The following HUNK variants were observed in gnomAD, a reference collection of about 807,000 sequenced individuals.
HUNK encodes hormonally up-regulated neu tumor-associated kinase.
In HUNK, 21 loss-of-function variants were observed where a neutral mutation model predicts 61.0. The ratio of observed to expected loss-of-function variants is 0.34; its 90% CI spans 0.24 to 0.50. The LOEUF (loss-of-function observed/expected upper bound fraction) is 0.50. Ranked by LOEUF, HUNK falls within the 20% of genes least tolerant of loss-of-function variation. The probability of loss-of-function intolerance (pLI) is 0.98; values close to 1 mark genes in which losing one functional copy is unlikely to be tolerated. For synonymous variants in HUNK, 371 were observed against 386.1 expected (o/e 0.96, Z 0.46); for missense variants, 772 against 945.7 (o/e 0.82, Z 2.41).
intron 10 of HUNK, among the ~76,000 whole-genome samples, chr21:31,997,854 G>A (rs951267247): frequency 7.9e-5 from 12 of 152,170 alleles, no homozygotes; most frequent in Non-Finnish European, 2.9e-5. Context: ...TTTTATGGAT[G>A]TGCTGTTGAG....
chr21:31,932,824 C>T (rs952124109), intron 2 of HUNK, among the ~76,000 whole-genome samples: 3 of 151,870 alleles, frequency 2.0e-5, no homozygotes, highest in Non-Finnish European at 2.9e-5. Flanking sequence ...TCGGTGTTGC[C>T]TGTTGTTCCT....
chr21:31,891,219 A>G (rs2052385550), intron 1 of HUNK, among the ~76,000 whole-genome samples: 1 of 152,210 alleles, frequency 6.6e-6, no homozygotes, highest in East Asian at 1.9e-4. Flanking sequence ...TCTACTAAAA[A>G]TACAAAAATT....
intron 4 of HUNK, among the ~76,000 whole-genome samples, chr21:31,951,715 A>G (rs539323914): frequency 2.0e-5 from 3 of 152,366 alleles, no homozygotes; most frequent in East Asian, 1.9e-4. Flanking sequence ...AAGAGGCACC[A>G]TGTCTCCAAA....
chr21:31,880,109 A>G (rs1336342630), intron 1 of HUNK, among the ~76,000 whole-genome samples: 2 of 152,214 alleles, frequency 1.3e-5, no homozygotes, highest in Admixed American at 6.5e-5. Context: ...CCTCTCCTCC[A>G]TCACCAGCAC....
intron 8 of HUNK, among the ~76,000 whole-genome samples, chr21:31,988,849 C>T (rs1409425224): frequency 1.3e-5 from 2 of 150,102 alleles, no homozygotes; most frequent in Non-Finnish European, 3.0e-5. Context: ...CCCCTCCTTC[C>T]TTTTTCTTTC....
chr21:31,974,732 AG>A lies in HUNK; in HGVS notation c.1173+16del. ...ATTTGTCAGGGGTAAGTGCGACCCT[AG>A]AGGCGATCGTCTCTGCTGTCTGTGG... On this transcript the variant is annotated intron_variant, in intron 7 of 10. Coordinates refer to ENST00000270112, the MANE Select transcript of HUNK (RefSeq NM_014586.2). 1 of 1,602,680 alleles carries A rather than the reference AG, an allele frequency of 6.2e-7. No individual in the cohort carries two copies. Among genetic ancestry groups the A allele is most frequent in the Non-Finnish European group, 8.5e-7 (1 of 1,174,822 alleles).
At chr21:31,890,191 A>G (rs941554777) in intron 1 of HUNK, among the ~76,000 whole-genome samples, 2 of 151,578 alleles carry the variant, frequency 1.3e-5, no homozygotes, top group African/African-American at 4.8e-5. Context: ...ACTTGTTACT[A>G]TACTAATCAC....
chr21:31,930,226 A>G (rs555831141), intron 2 of HUNK, among the ~76,000 whole-genome samples: 25 of 152,278 alleles, frequency 1.6e-4, no homozygotes, highest in African/African-American at 4.8e-4. Flanking sequence ...CTCTCTTTCC[A>G]CAGCTACACA....
chr21:31,873,608 G>T lies in HUNK; in HGVS notation c.-67G>T. On this transcript the variant is annotated 5_prime_UTR_variant, in exon 1 of 11. Coordinates refer to ENST00000270112, the MANE Select transcript of HUNK (RefSeq NM_014586.2). This position sits in a 1 kb window ranked among gnomAD's most constrained non-coding sequence, Gnocchi z 6.1. Reference sequence around the variant, plus strand: ...GGCGGGAGAAGCCGGGGAAGCCGAAGAGCCTGGGGAGGAGGAGCTGCGAGC... The same window carrying T: ...GGCGGGAGAAGCCGGGGAAGCCGAATAGCCTGGGGAGGAGGAGCTGCGAGC... 1 of 985,428 alleles carries T rather than the reference G, an allele frequency of 1.0e-6. No individual in the cohort carries two copies. Among genetic ancestry groups the T allele is most frequent in the Non-Finnish European group, 1.2e-6 (1 of 829,016 alleles). 61.0% of individuals were successfully genotyped at this position (985,428 alleles called of 1,614,324 possible).
At chr21:31,891,771 G>T (rs2052389178) in intron 1 of HUNK, among the ~76,000 whole-genome samples, 1 of 152,112 alleles carries the variant, frequency 6.6e-6, no homozygotes, top group Non-Finnish European at 1.5e-5. Context: ...TTTGTGTTTT[G>T]TCTAACCAAT....
chr21:31,899,770 C>T (rs975241435), intron 1 of HUNK, among the ~76,000 whole-genome samples: 5 of 151,704 alleles, frequency 3.3e-5, no homozygotes, highest in Non-Finnish European at 7.4e-5. Context: ...AGTTACACCT[C>T]TGGCTGCTGT....
chr21:31,892,607 G>T (rs1008166943), intron 1 of HUNK, among the ~76,000 whole-genome samples: 45 of 142,916 alleles, frequency 3.1e-4, no homozygotes, highest in Middle Eastern at 3.6e-3. Flanking sequence ...GAAAAAAAAA[G>T]AAATGGTAGT....
chr21:31,982,866 C>A (rs13049873), intron 7 of HUNK, among the ~76,000 whole-genome samples: 1 of 152,004 alleles, frequency 6.6e-6, no homozygotes, highest in Non-Finnish European at 1.5e-5. Flanking sequence ...TGCAATGGCA[C>A]GATCTTGGCT....
At chr21:31,900,565 T>C (rs531573552) in intron 1 of HUNK, among the ~76,000 whole-genome samples, 2 of 152,236 alleles carry the variant, frequency 1.3e-5, no homozygotes, top group South Asian at 4.2e-4. Flanking sequence ...GTGGAAGCTC[T>C]GGCTACAATT....
chr21:31,977,804 A>G (rs1406686587), intron 7 of HUNK, among the ~76,000 whole-genome samples: 2 of 152,196 alleles, frequency 1.3e-5, no homozygotes, highest in African/African-American at 4.8e-5. Flanking sequence ...CCATCCTGCT[A>G]TAGTCCCAGC....
chr21:31,912,208 C>A (rs1244023045), intron 1 of HUNK, among the ~76,000 whole-genome samples: 6 of 152,160 alleles, frequency 3.9e-5, no homozygotes, highest in Non-Finnish European at 1.5e-5. Flanking sequence ...GATGGAGCTC[C>A]TTCCAGGTTC....
intron 1 of HUNK, among the ~76,000 whole-genome samples, chr21:31,887,567 G>C (rs1005080823): frequency 6.7e-6 from 1 of 149,446 alleles, no homozygotes; most frequent in Admixed American, 7.0e-5. Context: ...CCAACCCCAA[G>C]GCTTTTTGGT....
Position 31,924,767 on chromosome 21 carries a change from G to A in HUNK, c.554+7G>A. ...GGGCCGGGGTGGTCCACAGGTAAGG[G>A]CCAGGCCACGCTGGTGATCGCTGAC... On this transcript the variant is annotated splice_region_variant and intron_variant, in intron 2 of 10. Coordinates refer to ENST00000270112, the MANE Select transcript of HUNK (RefSeq NM_014586.2). The surrounding 1 kb of genome is among the most constrained non-coding windows in gnomAD (Gnocchi z 5.1). 1.3e-6 allele frequency: 2 copies of A among 1,587,926 alleles called. No individual in the cohort carries two copies. The highest frequency in any genetic ancestry group is 1.7e-6 in the Non-Finnish European group (2 of 1,167,388).
chr21:31,920,050 A>G (rs1368598563), intron 1 of HUNK, among the ~76,000 whole-genome samples: 1 of 152,230 alleles, frequency 6.6e-6, no homozygotes, highest in Non-Finnish European at 1.5e-5. Flanking sequence ...CGCTCCCTCC[A>G]GAGACTCTAG....
Sources: allele counts gnomAD v4.1 joint callset (sites outside exome capture counted in the v4.1 genomes callset), GRCh38; gene constraint gnomAD v4.1.1; non-coding constraint Gnocchi (gnomAD v3.1); transcripts MANE v1.5; gene names NCBI Gene and HGNC (gene_info 2026-07-23, HGNC 2026-07-21).